The following PKP2 variants were observed in gnomAD, a reference collection of about 807,000 sequenced individuals.
PKP2 encodes the protein plakophilin-2.
Under a neutral mutation model 83.4 loss-of-function variants are expected in PKP2, and 73 were observed. The ratio of observed to expected loss-of-function variants is 0.88; its 90% CI spans 0.72 to 1.06. The LOEUF (loss-of-function observed/expected upper bound fraction) is 1.06. Ranked by LOEUF, PKP2 falls within the 50% of genes least tolerant of loss-of-function variation. The pLI is 0.00. For synonymous variants in PKP2, 409 were observed against 430.4 expected (o/e 0.95, Z 0.62); for missense variants, 966 against 1,065.4 (o/e 0.91, Z 1.30).
intron 3 of PKP2, among the ~76,000 whole-genome samples, chr12:32,873,315 T>A (rs111679193): frequency 8.6e-5 from 13 of 151,538 alleles, no homozygotes; most frequent in Admixed American, 5.9e-4. Context: ...CCAGGCTGGT[T>A]TCAAATTCCT....
intron 4 of PKP2, among the ~76,000 whole-genome samples, chr12:32,858,113 A>T (rs1244017225): frequency 1.1e-5 from 1 of 93,236 alleles, no homozygotes; most frequent in Non-Finnish European, 2.1e-5. Context: ...ATATATATAT[A>T]TATTTATATA....
chr12:32,873,692 G>A (rs769116020), intron 3 of PKP2, among the ~76,000 whole-genome samples: 18 of 152,018 alleles, frequency 1.2e-4, no homozygotes, highest in African/African-American at 3.4e-4. Context: ...ACCATGCCTG[G>A]CTAACTTTTG....
In PKP2 at chr12:32,802,549, G is replaced by A. The variant is rs1470551982; in HGVS notation, c.2021C>T (p.Thr674Ile). ...NLTAGSGPMP[T>I]SVAQTVVQKE... ...CTGGACAACTGTCTGAGCCACTGATGTCGGCATCTGTTTTGTGAGACATAT... is the reference window on the plus strand; with the variant it reads ...CTGGACAACTGTCTGAGCCACTGATATCGGCATCTGTTTTGTGAGACATAT... The change falls in exon 10 of 13, where the codon ACA (threonine) becomes ATA (isoleucine). Residue 674 changes from threonine (T) to isoleucine (I), a missense_variant. Transcript: ENST00000340811. 1 of 1,613,852 alleles carries A rather than the reference G, an allele frequency of 6.2e-7. No individual in the cohort carries two copies. Among genetic ancestry groups the A allele is most frequent in the Non-Finnish European group, 8.5e-7 (1 of 1,179,878 alleles).
Position 32,846,745 on chromosome 12 carries a change from C to CAAAAAAAAAAAAAAAAAAAAAAAAAAA in PKP2, c.1378+4020_1378+4021insTTTTTTTTTTTTTTTTTTTTTTTTTTT, listed in dbSNP as rs574053559. Among the ~76,000 whole-genome samples the CAAAAAAAAAAAAAAAAAAAAAAAAAAA allele has an allele frequency of 2.3e-3, 170 of 74,786 alleles. 6 individuals are homozygous for CAAAAAAAAAAAAAAAAAAAAAAAAAAA. Among genetic ancestry groups the CAAAAAAAAAAAAAAAAAAAAAAAAAAA allele is most frequent in the Middle Eastern group, 8.6e-3 (1 of 116 alleles). The allele number at this position is 74,786 out of a possible 152,430, so 49.1% of individuals were successfully genotyped here. On this transcript the variant is annotated intron_variant, in intron 5 of 12. Transcript: ENST00000340811. ...GGGTAACAAGAATGAAACTTCTTCT[C>CAAAAAAAAAAAAAAAAAAAAAAAAAAA]AAAAAAAAAAAAAAAAAAGAAGAGA...
intron 8 of PKP2, among the ~76,000 whole-genome samples, chr12:32,822,056 C>T (rs1956384986): frequency 6.6e-6 from 1 of 152,086 alleles, no homozygotes; most frequent in Admixed American, 6.5e-5. Context: ...TTAGTATGTC[C>T]AAAGTTTGTT....
At chr12:32,853,537 C>T (rs1294302775) in intron 4 of PKP2, among the ~76,000 whole-genome samples, 3 of 139,304 alleles carry the variant, frequency 2.2e-5, no homozygotes, top group East Asian at 4.0e-4. Context: ...GACGGAGTCT[C>T]GCTCTGTCGC....
intron 9 of PKP2, among the ~76,000 whole-genome samples, chr12:32,812,004 T>C (rs1180541997): frequency 5.9e-5 from 9 of 152,126 alleles, no homozygotes; most frequent in Admixed American, 2.0e-4. Flanking sequence ...TCAGCATGCC[T>C]GGCCTGCACA....
chr12:32,874,865 G>A (rs953335357), intron 3 of PKP2, among the ~76,000 whole-genome samples: 4 of 151,886 alleles, frequency 2.6e-5, no homozygotes, highest in South Asian at 2.1e-4. Context: ...TTCAGCCTCC[G>A]GAGTAGCTGG....
chr12:32,795,340 C>G (rs1001985977), intron 11 of PKP2, among the ~76,000 whole-genome samples: 4 of 151,772 alleles, frequency 2.6e-5, no homozygotes, highest in Non-Finnish European at 5.9e-5. Flanking sequence ...CAGGCTACCC[C>G]CTGACTGCTT....
At chr12:32,810,644 T>C (rs1444250737) in intron 9 of PKP2, among the ~76,000 whole-genome samples, 1 of 152,198 alleles carries the variant, frequency 6.6e-6, no homozygotes, top group Non-Finnish European at 1.5e-5. Flanking sequence ...ATTGATGAAG[T>C]CACATTTAGG....
intron 5 of PKP2, among the ~76,000 whole-genome samples, chr12:32,848,379 C>T (rs775389373): frequency 3.4e-4 from 51 of 152,120 alleles, no homozygotes; most frequent in Non-Finnish European, 5.6e-4. Flanking sequence ...GAGCTGAGAT[C>T]ATGCCACTGC....
At chr12:32,843,463 A>G in intron 5 of PKP2, 1 of 557,922 alleles carries the variant, frequency 1.8e-6, no homozygotes, top group South Asian at 1.4e-5. Flanking sequence ...TACTCAGCAT[A>G]CTTATATTTG....
At chr12:32,829,315 C>T (rs1459147638) in intron 6 of PKP2, among the ~76,000 whole-genome samples, 3 of 150,602 alleles carry the variant, frequency 2.0e-5, no homozygotes, top group African/African-American at 7.3e-5. Flanking sequence ...AGTGTGGTGG[C>T]ACAATCACAG....
At chr12:32,891,684 C>T (rs999611017) in intron 1 of PKP2, among the ~76,000 whole-genome samples, 1 of 152,166 alleles carries the variant, frequency 6.6e-6, no homozygotes, top group Non-Finnish European at 1.5e-5. Context: ...AGTCTTCCTT[C>T]CTTTAAGGTA....
chr12:32,808,529 A>T (rs1005971228), intron 9 of PKP2, among the ~76,000 whole-genome samples: 3 of 152,054 alleles, frequency 2.0e-5, no homozygotes, highest in African/African-American at 7.2e-5. Flanking sequence ...ACTTCTGTCA[A>T]CTCAGCCATC....
chr12:32,891,586 T>C (rs1437791246), intron 1 of PKP2, among the ~76,000 whole-genome samples: 5 of 152,220 alleles, frequency 3.3e-5, no homozygotes, highest in African/African-American at 1.2e-4. Flanking sequence ...GAATATTTAA[T>C]ACAAAAGCTA....
intron 6 of PKP2, among the ~76,000 whole-genome samples, chr12:32,836,267 C>T (rs1247614783): frequency 6.6e-6 from 1 of 152,188 alleles, no homozygotes; most frequent in African/African-American, 2.4e-5. Context: ...AGCACTGATG[C>T]CTGTGGTAAA....
chr12:32,835,325 T>C (rs191202144), intron 6 of PKP2, among the ~76,000 whole-genome samples: 14 of 152,236 alleles, frequency 9.2e-5, no homozygotes, highest in African/African-American at 3.4e-4. Context: ...AGTGCTGGGA[T>C]TACAGGCATG....
At chr12:32,890,074 CAAAAAA>C (rs55957473) in intron 1 of PKP2, among the ~76,000 whole-genome samples, 10 of 64,008 alleles carry the variant, frequency 1.6e-4, no homozygotes, top group Admixed American at 1.1e-3. Context: ...GACTCCATCT[CAAAAAA>C]AAAAAAAAAA....
Sources: gnomAD v4.1 joint callset for allele counts (sites outside exome capture counted in the v4.1 genomes callset) on GRCh38, gnomAD v4.1.1 for gene constraint, MANE v1.5 for transcripts, NCBI Gene and HGNC (gene_info 2026-07-23, HGNC 2026-07-21) for gene names.